INPP4B: variants seen among roughly 807,000 people sequenced by gnomAD.
INPP4B encodes inositol polyphosphate-4-phosphatase type II B.
INPP4B carries 55 observed loss-of-function variants against 122.5 expected under a neutral mutation model. That is an observed-to-expected ratio of 0.45 (90% CI 0.36 to 0.56). The LOEUF (loss-of-function observed/expected upper bound fraction) is 0.56. Ranked by LOEUF, INPP4B falls within the 20% of genes least tolerant of loss-of-function variation. The probability of loss-of-function intolerance (pLI) is 0.00; values close to 1 mark genes in which losing one functional copy is unlikely to be tolerated. For synonymous variants in INPP4B, 403 were observed against 388.7 expected (o/e 1.04, Z -0.43); for missense variants, 1,000 against 1,097.7 (o/e 0.91, Z 1.26).
At chr4:142,845,728 CCGGCGGCGG>C (rs78589959) in intron 1 of INPP4B, among the ~76,000 whole-genome samples, 36 of 151,440 alleles carry the variant, frequency 2.4e-4, no homozygotes, top group Middle Eastern at 3.4e-3. Flanking sequence ...TCTTCCCAGG[CCGGCGGCGG>C]CGGCGGCGGC....
chr4:142,675,458 C>A (rs1412277569), intron 2 of INPP4B, among the ~76,000 whole-genome samples: 2 of 152,088 alleles, frequency 1.3e-5, no homozygotes, highest in African/African-American at 4.8e-5. Context: ...GAAACTATTC[C>A]AAACAACAGA....
At chr4:142,702,328 A>G (rs778656270) in intron 2 of INPP4B, among the ~76,000 whole-genome samples, 9 of 152,172 alleles carry the variant, frequency 5.9e-5, no homozygotes, top group Non-Finnish European at 8.8e-5. Context: ...CTTAAAAATC[A>G]TCTACTCTTC....
chr4:142,306,887 A>AAAAGGAAAGG (rs551292468), intron 8 of INPP4B, among the ~76,000 whole-genome samples: 3 of 152,132 alleles, frequency 2.0e-5, no homozygotes, highest in African/African-American at 4.8e-5. Flanking sequence ...AAAAAGAAAG[A>AAAAGGAAAGG]AAAGGAAAGG....
intron 9 of INPP4B, among the ~76,000 whole-genome samples, chr4:142,290,357 C>T (rs1755888762): frequency 6.6e-6 from 1 of 151,892 alleles, no homozygotes; most frequent in Non-Finnish European, 1.5e-5. Flanking sequence ...CTAGCACCTG[C>T]CACTGCTCTG....
chr4:142,539,038 T>C (rs1011027913), intron 2 of INPP4B, among the ~76,000 whole-genome samples: 3 of 151,220 alleles, frequency 2.0e-5, no homozygotes, highest in African/African-American at 7.3e-5. Context: ...CTGGCCCTTT[T>C]CAGGCCTTTT....
intron 25 of INPP4B, among the ~76,000 whole-genome samples, chr4:142,076,104 G>T (rs1052371752): frequency 9.9e-5 from 15 of 152,030 alleles, no homozygotes; most frequent in Non-Finnish European, 2.1e-4. Context: ...CACTCACAGG[G>T]TCTCAAGTTG....
chr4:142,724,016 T>C (rs1405224520), intron 2 of INPP4B, among the ~76,000 whole-genome samples: 2 of 152,148 alleles, frequency 1.3e-5, no homozygotes, highest in Non-Finnish European at 2.9e-5. Flanking sequence ...TCTTGGATCA[T>C]AATCACCTTG....
chr4:142,159,482 A>G (rs540380564), intron 17 of INPP4B, among the ~76,000 whole-genome samples: 43 of 150,672 alleles, frequency 2.9e-4, no homozygotes, highest in Non-Finnish European at 5.0e-4. Flanking sequence ...TTTTTTTTTG[A>G]GAGGCCTGTG....
chr4:142,330,531 ACACACGCACACACATACACGCGCACG>A (rs1579755277), intron 7 of INPP4B, among the ~76,000 whole-genome samples: 1 of 152,160 alleles, frequency 6.6e-6, no homozygotes, highest in African/African-American at 2.4e-5. Context: ...GCATATGTGC[ACACACGCACACACATACACGCGCACG>A]CACACACACA....
At chr4:142,409,961 A>G (rs1056117606) in intron 5 of INPP4B, among the ~76,000 whole-genome samples, 1 of 152,236 alleles carries the variant, frequency 6.6e-6, no homozygotes, top group Non-Finnish European at 1.5e-5. Context: ...TGTGAAATCA[A>G]AGATACTGTC....
intron 2 of INPP4B, among the ~76,000 whole-genome samples, chr4:142,538,240 G>C (rs1461023785): frequency 6.6e-6 from 1 of 152,094 alleles, no homozygotes; most frequent in African/African-American, 2.4e-5. Flanking sequence ...AACACTGATT[G>C]CTAAATTGGT....
chr4:142,743,738 A>T (rs1475804081), intron 1 of INPP4B, among the ~76,000 whole-genome samples: 1 of 151,986 alleles, frequency 6.6e-6, no homozygotes, highest in Non-Finnish European at 1.5e-5. Flanking sequence ...TCTTGACAAG[A>T]TCTACAGGAG....
chr4:142,706,174 C>G (rs575763175), intron 2 of INPP4B, among the ~76,000 whole-genome samples: 1 of 152,222 alleles, frequency 6.6e-6, no homozygotes, highest in Non-Finnish European at 1.5e-5. Flanking sequence ...ATCTTTCCCA[C>G]TCCTGTTTGC....
At chr4:142,244,275 G>A (rs573833377) in intron 11 of INPP4B, among the ~76,000 whole-genome samples, 103 of 144,048 alleles carry the variant, frequency 7.2e-4, no homozygotes, top group African/African-American at 2.6e-3. Flanking sequence ...GTATTCCATG[G>A]TGTATATGTG....
At chr4:142,188,377 C>G (rs1834097179) in intron 15 of INPP4B, among the ~76,000 whole-genome samples, 1 of 149,764 alleles carries the variant, frequency 6.7e-6, no homozygotes, top group African/African-American at 2.4e-5. Context: ...GTCCCAGCTA[C>G]TCGGGAGGCT....
At chr4:142,502,790 TA>T (rs1171152915) in intron 2 of INPP4B, among the ~76,000 whole-genome samples, 1 of 152,098 alleles carries the variant, frequency 6.6e-6, no homozygotes, top group Admixed American at 6.6e-5. Context: ...TCCATGCCTT[TA>T]AAAACCCTTA....
intron 2 of INPP4B, among the ~76,000 whole-genome samples, chr4:142,686,545 A>G (rs969989702): frequency 6.6e-6 from 1 of 152,088 alleles, no homozygotes; most frequent in African/African-American, 2.4e-5. Flanking sequence ...ACCACCTCAC[A>G]CCATTTTAAC....
chr4:142,168,926 T>G (rs76748458), intron 16 of INPP4B, among the ~76,000 whole-genome samples: 14,831 of 151,598 alleles, frequency 0.098, 805 homozygotes, highest in Middle Eastern at 0.14. Context: ...GCCTAGGAAC[T>G]GCCCTAGGAA....
At chr4:142,769,705 A>G (rs1365727188) in intron 1 of INPP4B, among the ~76,000 whole-genome samples, 2 of 152,224 alleles carry the variant, frequency 1.3e-5, no homozygotes, top group East Asian at 3.9e-4. Flanking sequence ...ACCTGAGGTC[A>G]GGAGTTTGAG....
Sources: gnomAD v4.1 joint callset for allele counts (sites outside exome capture counted in the v4.1 genomes callset) on GRCh38, gnomAD v4.1.1 for gene constraint, MANE v1.5 for transcripts, NCBI Gene and HGNC (gene_info 2026-07-23, HGNC 2026-07-21) for gene names.